Variants in LGR6 observed in about 807,000 individuals in gnomAD.
The protein encoded by LGR6 is leucine-rich repeat-containing G protein-coupled receptor 6.
LGR6 carries 45 observed loss-of-function variants against 69.4 expected under a neutral mutation model. That is an observed-to-expected ratio of 0.65 (90% CI 0.51 to 0.83). The LOEUF (loss-of-function observed/expected upper bound fraction) is 0.83, where lower values mean the gene tolerates loss of function less well. Ranked by LOEUF, LGR6 falls within the 40% of genes least tolerant of loss-of-function variation. The probability of loss-of-function intolerance (pLI) is 0.00; values close to 1 mark genes in which losing one functional copy is unlikely to be tolerated. For synonymous variants in LGR6, 538 were observed against 555.0 expected, an observed-to-expected ratio of 0.97 and a Z score of 0.43; for missense variants, 1,108 against 1,246.7, an observed-to-expected ratio of 0.89 and a Z score of 1.68.
At chr1:202,205,176 T>C (rs1249383911) in intron 1 of LGR6, among the ~76,000 whole-genome samples, 1 of 23,438 alleles carries the variant, frequency 4.3e-5, no homozygotes, top group Non-Finnish European at 8.4e-5. Flanking sequence ...CACACTTCCT[T>C]CAAACACACA....
chr1:202,275,226 G>A (rs1447225768), intron 4 of LGR6, among the ~76,000 whole-genome samples: 1 of 152,178 alleles, frequency 6.6e-6, no homozygotes, highest in Non-Finnish European at 1.5e-5. Flanking sequence ...GGAGGACCAT[G>A]GCTCAGGGCT....
intron 9 of LGR6, among the ~76,000 whole-genome samples, chr1:202,302,104 A>AT (rs1370983519): frequency 3.3e-5 from 5 of 152,116 alleles, no homozygotes; most frequent in Non-Finnish European, 7.4e-5. Flanking sequence ...AGGCAGGAGA[A>AT]TTGCTTGAAC....
At chr1:202,239,047 A>G (rs1028597100) in intron 4 of LGR6, among the ~76,000 whole-genome samples, 7 of 152,190 alleles carry the variant, frequency 4.6e-5, no homozygotes, top group Admixed American at 2.0e-4. Context: ...TGTCTCCTAT[A>G]AACAGGGGGC....
intron 16 of LGR6, among the ~76,000 whole-genome samples, chr1:202,310,822 C>T (rs1159172948): frequency 6.6e-6 from 1 of 151,954 alleles, no homozygotes; most frequent in Non-Finnish European, 1.5e-5. Flanking sequence ...GTCCTAGAAC[C>T]AAAAGGAACA....
At chr1:202,270,457 G>A (rs868243175) in intron 4 of LGR6, among the ~76,000 whole-genome samples, 1 of 151,960 alleles carries the variant, frequency 6.6e-6, no homozygotes, top group African/African-American at 2.4e-5. Context: ...GGTCAGGATG[G>A]TCTTGAACTC....
At position 202,230,030 on chromosome 1, in the gene LGR6, T is replaced by A. The variant is rs560953343; in HGVS notation, c.356+2023T>A. Among the ~76,000 whole-genome samples, 6 of 152,280 alleles carry A rather than the reference T, an allele frequency of 3.9e-5. No homozygotes were observed. In the East Asian group the frequency reaches 1.2e-3, roughly 29 times the overall value. Reference sequence around the variant, plus strand: ...CAGTAGCACCATGATAATGACAACCTATTTTTGTACCAGGAGACAGTCACC... The same window carrying A: ...CAGTAGCACCATGATAATGACAACCAATTTTTGTACCAGGAGACAGTCACC... On this transcript the variant is annotated intron_variant, in intron 3 of 17. Transcript: ENST00000367278.
intron 9 of LGR6, among the ~76,000 whole-genome samples, chr1:202,301,947 A>T (rs1667628486): frequency 6.6e-6 from 1 of 152,118 alleles, no homozygotes; most frequent in African/African-American, 2.4e-5. Context: ...TGAACCCGGG[A>T]GGCGGAGGTT....
At chr1:202,258,334 C>T (rs1663954682) in intron 4 of LGR6, among the ~76,000 whole-genome samples, 1 of 151,930 alleles carries the variant, frequency 6.6e-6, no homozygotes, top group African/African-American at 2.4e-5. Flanking sequence ...GGTGCCGTCA[C>T]TTCCTGCCAA....
At chr1:202,200,025 C>G (rs1658784981) in intron 1 of LGR6, among the ~76,000 whole-genome samples, 2 of 152,220 alleles carry the variant, frequency 1.3e-5, no homozygotes, top group Non-Finnish European at 2.9e-5. Context: ...AGAGTCTCAT[C>G]TTCTGGAGCC....
chr1:202,311,764 G>A (rs774499553), intron 16 of LGR6, among the ~76,000 whole-genome samples: 6 of 152,212 alleles, frequency 3.9e-5, no homozygotes, highest in African/African-American at 9.6e-5. Flanking sequence ...TATGCTCATC[G>A]CTACTACTGA....
chr1:202,248,737 A>T (rs1054396947), intron 4 of LGR6, among the ~76,000 whole-genome samples: 1 of 152,134 alleles, frequency 6.6e-6, no homozygotes, highest in African/African-American at 2.4e-5. Flanking sequence ...CTCGCAAAGC[A>T]ATCTCTTCCC....
At chr1:202,214,425 C>CGCGGGCAGGG (rs201887207) in intron 1 of LGR6, among the ~76,000 whole-genome samples, 7 of 150,342 alleles carry the variant, frequency 4.7e-5, no homozygotes, top group Admixed American at 2.6e-4. Context: ...GAGCGGGCGG[C>CGCGGGCAGGG]GCGGGCAGGG....
chr1:202,198,671 T>G (rs1346768816), intron 1 of LGR6, among the ~76,000 whole-genome samples: 6 of 12,018 alleles, frequency 5.0e-4, no homozygotes, highest in Non-Finnish European at 1.8e-3. Context: ...ATTTTAGGTT[T>G]TTTTTTTTTT....
chr1:202,195,275 G>A (rs1295478758), intron 1 of LGR6, among the ~76,000 whole-genome samples: 2 of 152,220 alleles, frequency 1.3e-5, no homozygotes, highest in East Asian at 3.9e-4. Flanking sequence ...GAGCTTAGAG[G>A]AAGAGGAGGC....
intron 6 of LGR6, among the ~76,000 whole-genome samples, chr1:202,288,474 C>T (rs1057260836): frequency 1.3e-5 from 2 of 152,204 alleles, no homozygotes; most frequent in Non-Finnish European, 2.9e-5. Context: ...AATATTTCAA[C>T]AAATAGATTT....
rs200239603 is a variant in LGR6, at chr1:202,235,891, C to T, written c.357-31C>T. The T allele has an allele frequency of 3.4e-5, 55 of 1,604,024 alleles. No homozygotes were observed. In the East Asian group the frequency reaches 9.1e-4, roughly 27 times the overall value. On this transcript the variant is annotated intron_variant, in intron 3 of 17. Coordinates refer to ENST00000367278, the MANE Select transcript of LGR6 (RefSeq NM_001017403.2). ...TCCAGCCAGCTCTGCATACCATGTG[C>T]GTCCTTAAAGCCCTTTCTCTTCTCC...
At chr1:202,232,508 A>G (rs1284723057) in intron 3 of LGR6, among the ~76,000 whole-genome samples, 1 of 152,052 alleles carries the variant, frequency 6.6e-6, no homozygotes, top group Admixed American at 6.5e-5. Context: ...CTTCAGTGTG[A>G]CCTGGGCATT....
chr1:202,272,226 A>G (rs553789024), intron 4 of LGR6, among the ~76,000 whole-genome samples: 1 of 152,310 alleles, frequency 6.6e-6, no homozygotes, highest in African/African-American at 2.4e-5. Context: ...CTGAAATTCA[A>G]ATTTAAATGG....
At chr1:202,264,056 G>A (rs1351695006) in intron 4 of LGR6, among the ~76,000 whole-genome samples, 1 of 152,078 alleles carries the variant, frequency 6.6e-6, no homozygotes, top group African/African-American at 2.4e-5. Flanking sequence ...GATGGATGGA[G>A]GGATGTGGGG....
Sources: allele counts gnomAD v4.1 joint callset (sites outside exome capture counted in the v4.1 genomes callset), GRCh38; gene constraint gnomAD v4.1.1; transcripts MANE v1.5; gene names NCBI Gene and HGNC (gene_info 2026-07-23, HGNC 2026-07-21).